Variants in EDAR observed in about 807,000 individuals in gnomAD.
EDAR encodes the protein ectodysplasin A receptor.
EDAR carries 38 observed loss-of-function variants against 51.3 expected under a neutral mutation model. The ratio of observed to expected loss-of-function variants is 0.74; its 90% CI spans 0.57 to 0.97. The LOEUF is 0.97. Among genes scored for constraint, EDAR ranks in the 50% least tolerant of loss-of-function variants. The pLI is 0.00. For missense variants in EDAR, 528 were observed against 595.0 expected, an observed-to-expected ratio of 0.89 and a Z score of 1.17; for synonymous variants, 227 against 242.1, an observed-to-expected ratio of 0.94 and a Z score of 0.58.
chr2:108,930,867 G>A (rs1697353886), intron 2 of EDAR, 97 bp downstream of exon 2: 1 of 1,339,056 alleles, frequency 7.5e-7, no homozygotes, highest in Non-Finnish European at 1.1e-6. Flanking sequence ...GAGGGACTAT[G>A]ATCAGCATTC....
chr2:108,962,661 C>T (rs906256194), intron 1 of EDAR, among the ~76,000 whole-genome samples: 13 of 114,536 alleles, frequency 1.1e-4, no homozygotes, highest in East Asian at 4.9e-4. Flanking sequence ...GGCGACAGAG[C>T]GAGACTCTGT....
intron 1 of EDAR, among the ~76,000 whole-genome samples, chr2:108,939,134 AGCCACTCTTCAGCACTTTAATACACAT>A (rs896060031): frequency 4.6e-5 from 7 of 152,032 alleles, no homozygotes; most frequent in Non-Finnish European, 8.8e-5. Context: ...ACATGATAGG[AGCCACTCTTCAGCACTTTAATACACAT>A]GCCACTCATC....
At chr2:108,973,565 G>A (rs1374423283) in intron 1 of EDAR, among the ~76,000 whole-genome samples, 5 of 152,188 alleles carry the variant, frequency 3.3e-5, no homozygotes, top group Non-Finnish European at 5.9e-5. Flanking sequence ...CTGTGAGTGT[G>A]GCTCCTGGAA....
Position 108,911,022 on chromosome 2 carries a change from T to C in EDAR, c.580A>G (p.Thr194Ala). ...LATALIIAMSTIFIMAIAIVL... is the reference protein window; with the variant it reads ...LATALIIAMSAIFIMAIAIVL... Reference sequence around the variant, plus strand: ...ATGGCGATGGCCATGATGAAGATGGTGGACATTGCAATGATCAGGGCAGTG... The same window carrying C: ...ATGGCGATGGCCATGATGAAGATGGCGGACATTGCAATGATCAGGGCAGTG... The change falls in exon 7 of 12, where the codon ACC becomes GCC. Residue 194 changes from threonine to alanine, a missense_variant. By Grantham distance (58) the Thr-to-Ala change is moderately conservative (BLOSUM62 0). Coordinates refer to ENST00000258443, the MANE Select transcript of EDAR (RefSeq NM_022336.4). 2 of 1,614,130 alleles carry C rather than the reference T, an allele frequency of 1.2e-6. No individual in the cohort carries two copies. Among genetic ancestry groups the C allele is most frequent in the South Asian group, 2.2e-5 (2 of 91,086 alleles).
At chr2:108,948,233 C>G (rs1697751575) in intron 1 of EDAR, among the ~76,000 whole-genome samples, 1 of 152,200 alleles carries the variant, frequency 6.6e-6, no homozygotes, top group East Asian at 1.9e-4. Flanking sequence ...TCTGAGACCA[C>G]CTAAGCCTGG....
intron 4 of EDAR, among the ~76,000 whole-genome samples, chr2:108,924,551 T>C (rs1004514181): frequency 6.6e-6 from 1 of 152,200 alleles, no homozygotes; most frequent in African/African-American, 2.4e-5. Context: ...TTCTAATCTC[T>C]TTTTTATTAG....
chr2:108,925,564 G>C (rs1697237347), intron 4 of EDAR, among the ~76,000 whole-genome samples: 1 of 152,194 alleles, frequency 6.6e-6, no homozygotes, highest in Admixed American at 6.5e-5. Flanking sequence ...CATGTGTATG[G>C]GTCAAGCTAT....
chr2:108,953,219 A>G (rs1351058444), intron 1 of EDAR, among the ~76,000 whole-genome samples: 1 of 152,170 alleles, frequency 6.6e-6, no homozygotes, highest in African/African-American at 2.4e-5. Context: ...CCGATGCTTC[A>G]GAATTGCTTA....
intron 1 of EDAR, among the ~76,000 whole-genome samples, chr2:108,986,659 G>A (rs1002871773): frequency 1.3e-5 from 2 of 152,206 alleles, no homozygotes; most frequent in Non-Finnish European, 2.9e-5. Flanking sequence ...TGGGAAAATA[G>A]AGAAGACATT....
chr2:108,907,660 A>T lies in EDAR; in HGVS notation c.963+200T>A, dbSNP rs115587259. Among the ~76,000 whole-genome samples, 65 of 152,180 alleles carry T rather than the reference A, an allele frequency of 4.3e-4. No homozygotes were observed. The East Asian group carries it at 0.012, about 28-fold the overall frequency. ...AAGACTCTCATCTCCAAAAAAAAAAAACAAAACTCAAAAACGAAAGGGTTT... is the reference window on the plus strand; with the variant it reads ...AAGACTCTCATCTCCAAAAAAAAAATACAAAACTCAAAAACGAAAGGGTTT... On this transcript the variant is annotated intron_variant, in intron 10 of 11. Coordinates refer to ENST00000258443, the MANE Select transcript of EDAR (RefSeq NM_022336.4).
rs193212591 is a variant in EDAR at position 108,947,311 on chromosome 2, G to C, written c.-18-16279C>G. On this transcript the variant is annotated intron_variant, in intron 1 of 11. Coordinates refer to ENST00000258443, the MANE Select transcript of EDAR (RefSeq NM_022336.4). The stretch of plus-strand genomic sequence containing the variant: ...CTCCTGTAACTGCTTTCATGGGCTG[G>C]TGTTGAGTGCCTGTGGATTTTCCAA... 3.6e-3 allele frequency among the ~76,000 whole-genome samples: 548 copies of C among 152,302 alleles called. 3 individuals carry two copies. Among genetic ancestry groups the C allele is most frequent in the Middle Eastern group, 6.8e-3 (2 of 294 alleles).
intron 5 of EDAR, among the ~76,000 whole-genome samples, chr2:108,920,174 C>A (rs543844772): frequency 2.8e-4 from 42 of 152,334 alleles, no homozygotes; most frequent in African/African-American, 9.6e-4. Context: ...GCCTGCTGGG[C>A]TGGGATGCTT....
chr2:108,933,508 G>T (rs1424004647), intron 1 of EDAR, among the ~76,000 whole-genome samples: 2 of 152,174 alleles, frequency 1.3e-5, no homozygotes, highest in Non-Finnish European at 2.9e-5. Flanking sequence ...TCGGCTGTTG[G>T]CCCAGTCACC....
intron 1 of EDAR, among the ~76,000 whole-genome samples, chr2:108,964,411 A>G (rs1232653404): frequency 6.6e-6 from 1 of 152,130 alleles, no homozygotes; most frequent in Non-Finnish European, 1.5e-5. Flanking sequence ...ACGAAAAGGG[A>G]TCAGGTCATG....
intron 1 of EDAR, among the ~76,000 whole-genome samples, chr2:108,985,471 C>T (rs1046611027): frequency 5.9e-5 from 9 of 152,356 alleles, no homozygotes; most frequent in Non-Finnish European, 1.3e-4. Flanking sequence ...TGTAGGGCTC[C>T]TTACGGCCCA....
Position 108,895,435 on chromosome 2 carries a change from G to A in EDAR, c.*1472C>T, listed in dbSNP as rs1696564923. The A allele has an allele frequency of 6.6e-6, 1 of 152,568 alleles. No homozygotes were observed. Among genetic ancestry groups the A allele is most frequent in the East Asian group, 1.9e-4 (1 of 5,204 alleles). The allele number at this position is 152,568 out of a possible 1,614,324, so 9.5% of individuals were successfully genotyped here. ...TAGCCTGGCTCCTGAGCTCTTGGCA[G>A]TTACAGGGATAGTACAATAATATGC... On this transcript the variant is annotated 3_prime_UTR_variant, in exon 12 of 12. Coordinates refer to ENST00000258443, the MANE Select transcript of EDAR (RefSeq NM_022336.4).
intron 1 of EDAR, among the ~76,000 whole-genome samples, chr2:108,984,572 C>T (rs191532425): frequency 6.6e-6 from 1 of 152,272 alleles, no homozygotes; most frequent in East Asian, 1.9e-4. Flanking sequence ...TCCTTTCTTG[C>T]GGGTGTCCTG....
intron 1 of EDAR, among the ~76,000 whole-genome samples, chr2:108,940,798 C>A (rs999589710): frequency 6.6e-6 from 1 of 152,224 alleles, no homozygotes; most frequent in African/African-American, 2.4e-5. Flanking sequence ...TCCCCAAGAA[C>A]CTACAAGTTG....
intron 1 of EDAR, among the ~76,000 whole-genome samples, chr2:108,969,203 T>C (rs1054772977): frequency 6.6e-6 from 1 of 152,116 alleles, no homozygotes; most frequent in Admixed American, 6.5e-5. Flanking sequence ...ACCCTGGCTT[T>C]GACAACCTTC....
Sources: gnomAD v4.1 joint callset for allele counts (sites outside exome capture counted in the v4.1 genomes callset) on GRCh38, gnomAD v4.1.1 for gene constraint, MANE v1.5 for transcripts, NCBI Gene and HGNC (gene_info 2026-07-23, HGNC 2026-07-21) for gene names.